TJP3: variants seen among roughly 807,000 people sequenced by gnomAD.
TJP3 encodes tight junction protein ZO-3.
A neutral mutation model predicts 104.2 loss-of-function variants in TJP3; 85 were observed. The observed-to-expected ratio is 0.82, with a 90% confidence interval of 0.68 to 0.98. The LOEUF (loss-of-function observed/expected upper bound fraction) is 0.98. Ranked by LOEUF, TJP3 falls within the 50% of genes least tolerant of loss-of-function variation. The probability of loss-of-function intolerance (pLI) is 0.00; values close to 1 mark genes in which losing one functional copy is unlikely to be tolerated. For synonymous variants in TJP3, 550 were observed against 550.6 expected (o/e 1.00, Z 0.02); for missense variants, 1,367 against 1,322.8 (o/e 1.03, Z -0.52).
intron 1 of TJP3, among the ~76,000 whole-genome samples, chr19:3,714,554 T>A (rs1402710124): frequency 6.6e-5 from 10 of 152,040 alleles, no homozygotes. Flanking sequence ...ACAGACACAG[T>A]GGAAGCCCAC....
At chr19:3,735,278 C>T (rs1599155772) in intron 8 of TJP3, among the ~76,000 whole-genome samples, 2 of 152,254 alleles carry the variant, frequency 1.3e-5, no homozygotes, top group East Asian at 3.9e-4. Flanking sequence ...TGGCTCACTG[C>T]AACCTCTGCC....
At chr19:3,728,572 A>T in intron 2 of TJP3, 32 bp from the exon 3 acceptor site, 1 of 1,604,828 alleles carries the variant, frequency 6.2e-7, no homozygotes, top group Non-Finnish European at 8.5e-7. Context: ...TGGGGGAAAC[A>T]GCAGCTCTTC....
At position 3,730,577 on chromosome 19, in the gene TJP3, C is replaced by G; in HGVS notation, c.484C>G (p.Arg162Gly). The change falls in exon 5 of 21, where the codon CGT becomes GGT. Residue 162 changes from arginine (R) to glycine (G), a missense_variant. Transcript: ENST00000541714. This position sits in a 1 kb window ranked among gnomAD's most constrained non-coding sequence, Gnocchi z 7.3. ...CCGGGGCCGGGCCGGCAGCCATGGG[C>G]GTAGGAGCCCAGGTGGTGGCTCTGA... is the stretch of plus-strand genomic sequence containing the variant. The part of the protein sequence containing the change: ...GRRGRAGSHG[R>G]RSPGGGSEAN... 6.2e-7 allele frequency: 1 copy of G among 1,609,310 alleles called. No individual in the cohort carries two copies.
chr19:3,723,708 G>C (rs1315858943), intron 1 of TJP3, among the ~76,000 whole-genome samples: 1 of 151,216 alleles, frequency 6.6e-6, no homozygotes, highest in African/African-American at 2.4e-5. Context: ...CACGAGAATT[G>C]CTGGAACCCA....
Position 3,746,181 on chromosome 19 carries a change from C to A in TJP3, c.2010+100C>A. 3 of 1,215,158 alleles carry A rather than the reference C, an allele frequency of 2.5e-6. No homozygotes were observed. The highest frequency in any genetic ancestry group is 1.3e-5 in the South Asian group (1 of 75,338). The allele number at this position is 1,215,158 out of a possible 1,614,324, so 75.3% of individuals were successfully genotyped here. ...TGACCTGTTCTCAGCCCACACCCCA[C>A]AAGTGCAGTCTTCCATAGAGCCCCT... On this transcript the variant is annotated intron_variant, in intron 16 of 20. Coordinates refer to ENST00000541714, the MANE Select transcript of TJP3 (RefSeq NM_001267560.2). This position sits in a 1 kb window ranked among gnomAD's most constrained non-coding sequence, Gnocchi z 4.1.
chr19:3,735,085 T>TG (rs1460019369), intron 8 of TJP3, among the ~76,000 whole-genome samples: 4 of 152,104 alleles, frequency 2.6e-5, no homozygotes, highest in Non-Finnish European at 5.9e-5. Flanking sequence ...AGGCTGGTCT[T>TG]GAACTCCTGG....
In TJP3 at chr19:3,728,423, G is replaced by A. The variant is rs150495608; in HGVS notation, c.-9-1G>A. On this transcript the variant is annotated splice_acceptor_variant, in intron 1 of 20. Transcript: ENST00000541714. LOFTEE classifies it low-confidence loss of function (5UTR_SPLICE). ...CCATCTTCCCCGCTCCCCTCGACCA[G>A]GTGGCTGACATGGAGGAGCTGACCA... 4 of 1,614,212 alleles carry A rather than the reference G, an allele frequency of 2.5e-6. No homozygotes were observed. The East Asian group carries it at 8.9e-5, about 36-fold the overall frequency.
In TJP3 at chr19:3,728,464, C is replaced by A; in HGVS notation, c.32C>A (p.Thr11Lys). MEELTIWEQH[T>K]ATLSKDPRRG... is the part of the protein sequence containing the mutation. ...GAGCTGACCATCTGGGAACAGCACA[C>A]GGCCACACTGTCCAAGGTGAGGCCT... The change falls in exon 2 of 21, where the codon ACG (threonine) becomes AAG (lysine). Residue 11 changes from threonine to lysine, a missense_variant. Coordinates refer to ENST00000541714, the MANE Select transcript of TJP3 (RefSeq NM_001267560.2). 6.2e-7 allele frequency: 1 copy of A among 1,612,914 alleles called. No homozygotes were observed. Among genetic ancestry groups the A allele is most frequent in the Non-Finnish European group, 8.5e-7 (1 of 1,179,598 alleles).
chr19:3,734,185 C>A (rs2036707483), intron 7 of TJP3, 142 bp from the exon 8 acceptor site: 3 of 991,166 alleles, frequency 3.0e-6, no homozygotes, highest in Non-Finnish European at 1.5e-6. Flanking sequence ...CCGTGCCCAG[C>A]TCCAGAGCCG....
rs1191156348 is a variant in TJP3 at position 3,727,134 on chromosome 19, C to G, written c.-9-1290C>G. Among the ~76,000 whole-genome samples the G allele has an allele frequency of 2.0e-5, 3 of 151,574 alleles. No individual in the cohort carries two copies. In the East Asian group the frequency reaches 5.8e-4, roughly 29 times the overall value. Reference sequence around the variant, plus strand: ...CTTCATGGCTCTGTGCCTCAGTTTCCTCATCTGTAACATGGGGATAATTGA... The same window carrying G: ...CTTCATGGCTCTGTGCCTCAGTTTCGTCATCTGTAACATGGGGATAATTGA... On this transcript the variant is annotated intron_variant, in intron 1 of 20. Coordinates refer to ENST00000541714, the MANE Select transcript of TJP3 (RefSeq NM_001267560.2).
chr19:3,718,257 C>G (rs113330771), intron 1 of TJP3, among the ~76,000 whole-genome samples: 1,791 of 26,784 alleles, frequency 0.067, 57 homozygotes, highest in South Asian at 0.11. Context: ...GTGTGTGTGT[C>G]TGTGTGTGTG....
In TJP3 at chr19:3,730,123, C is replaced by T. The variant is rs1228210588; in HGVS notation, c.254C>T (p.Ala85Val). 3 of 1,613,898 alleles carry T rather than the reference C, an allele frequency of 1.9e-6. No homozygotes were observed. The highest frequency in any genetic ancestry group is 2.7e-5 in the African/African-American group (2 of 74,912). ...ATACTCAAGACCTGCACCAAGATGGCCAACATCGTGAGTAGGCAGCCCCTG... is the reference window on the plus strand; with the variant it reads ...ATACTCAAGACCTGCACCAAGATGGTCAACATCGTGAGTAGGCAGCCCCTG... The part of the protein sequence containing the change: ...IQILKTCTKM[A>V]NITVKRPRRI... The change falls in exon 4 of 21, where the codon GCC becomes GTC. Residue 85 changes from alanine (A) to valine (V), a missense_variant. Ala to Val is a moderately conservative substitution (Grantham distance 64, BLOSUM62 0). Coordinates refer to ENST00000541714, the MANE Select transcript of TJP3 (RefSeq NM_001267560.2). The surrounding 1 kb of genome is among the most constrained non-coding windows in gnomAD (Gnocchi z 7.3).
intron 19 of TJP3, among the ~76,000 whole-genome samples, chr19:3,749,871 A>G (rs968984709): frequency 2.2e-4 from 34 of 152,206 alleles, no homozygotes; most frequent in African/African-American, 8.2e-4. Context: ...ACATGAACTC[A>G]TGGCTGTGGC....
At chr19:3,725,708 A>C (rs1179029767) in intron 1 of TJP3, among the ~76,000 whole-genome samples, 1 of 151,942 alleles carries the variant, frequency 6.6e-6, no homozygotes, top group South Asian at 2.1e-4. Flanking sequence ...AAAAAAAAAA[A>C]AAACTACACA....
In TJP3 at chr19:3,738,927, G is replaced by A; in HGVS notation, c.1424G>A (p.Gly475Asp). The change falls in exon 13 of 21, where the codon GGT (glycine) becomes GAT (aspartate). Residue 475 changes from glycine to aspartate, a missense_variant. Transcript: ENST00000541714. ...TGGAAAATGGTGCAGTCCCGCGTGG[G>A]TGACTCCTTCTACATCCGCACTCAC... ...IFWKMVQSRV[G>D]DSFYIRTHFE... 1 of 1,610,490 alleles carries A rather than the reference G, an allele frequency of 6.2e-7. No homozygotes were observed. Among genetic ancestry groups the A allele is most frequent in the Non-Finnish European group, 8.5e-7 (1 of 1,178,006 alleles).
chr19:3,750,738 A>G lies in TJP3; in HGVS notation c.*54A>G. The G allele has an allele frequency of 6.8e-7, 1 of 1,470,116 alleles. No individual in the cohort carries two copies. Among genetic ancestry groups the G allele is most frequent in the Non-Finnish European group, 9.3e-7 (1 of 1,071,066 alleles). The allele number at this position is 1,470,116 out of a possible 1,614,324, so 91.1% of individuals were successfully genotyped here. A position where few individuals can be genotyped will look rare whatever the true frequency, so the allele number is the denominator to read the frequency against. On this transcript the variant is annotated 3_prime_UTR_variant, in exon 21 of 21. Coordinates refer to ENST00000541714, the MANE Select transcript of TJP3 (RefSeq NM_001267560.2). ...CTCCTTCTCCCTCCCTGGGGCTGGG[A>G]CTCAGTTTCCCATACAGAACCCACA...
intron 1 of TJP3, 68 bp from the exon 2 acceptor site, chr19:3,728,355 TG>T: frequency 1.2e-6 from 2 of 1,612,838 alleles, no homozygotes; most frequent in East Asian, 4.5e-5. Flanking sequence ...CACCCTGAGC[TG>T]GGGACCCCCA....
intron 13 of TJP3, among the ~76,000 whole-genome samples, chr19:3,740,268 C>G (rs956940396): frequency 6.6e-6 from 1 of 151,942 alleles, no homozygotes; most frequent in Non-Finnish European, 1.5e-5. Flanking sequence ...ATTAGCTGGG[C>G]GTGGTGGCGG....
intron 3 of TJP3, 79 bp from the exon 4 acceptor site, chr19:3,729,949 C>T: frequency 8.6e-7 from 1 of 1,169,510 alleles, no homozygotes; most frequent in South Asian, 1.2e-5. Flanking sequence ...GTTCCAGGGG[C>T]ACCCCCTCCC....
Sources: allele counts gnomAD v4.1 joint callset (sites outside exome capture counted in the v4.1 genomes callset), GRCh38; gene constraint gnomAD v4.1.1; non-coding constraint Gnocchi (gnomAD v3.1); transcripts MANE v1.5; gene names NCBI Gene and HGNC (gene_info 2026-07-23, HGNC 2026-07-21).